The following COG3 variants were observed in gnomAD, a reference collection of about 807,000 sequenced individuals.
The protein encoded by COG3 is conserved oligomeric Golgi complex subunit 3.
COG3 carries 32 observed loss-of-function variants against 114.1 expected under a neutral mutation model. The ratio of observed to expected loss-of-function variants is 0.28; its 90% CI spans 0.21 to 0.38. The LOEUF (loss-of-function observed/expected upper bound fraction) is 0.38. Ranked by LOEUF, COG3 falls within the 10% of genes least tolerant of loss-of-function variation. COG3 has a pLI of 1.00. For missense variants in COG3, 813 were observed against 973.2 expected (o/e 0.84, Z 2.19); for synonymous variants, 352 against 365.7 (o/e 0.96, Z 0.43).
chr13:45,528,370 T>C (rs988330295), intron 20 of COG3, among the ~76,000 whole-genome samples: 2 of 152,212 alleles, frequency 1.3e-5, no homozygotes, highest in African/African-American at 4.8e-5. Flanking sequence ...GCCTGTATTC[T>C]TTCTTGGATG....
At chr13:45,519,367 C>T (rs757607124) in intron 19 of COG3, among the ~76,000 whole-genome samples, 3 of 152,262 alleles carry the variant, frequency 2.0e-5, no homozygotes, top group Middle Eastern at 3.4e-3. Context: ...TCTGTTTATC[C>T]GCCTTGTAGG....
At chr13:45,482,566 G>A in intron 6 of COG3, 93 bp downstream of exon 6, 1 of 591,166 alleles carries the variant, frequency 1.7e-6, no homozygotes, top group Non-Finnish European at 2.9e-6. Flanking sequence ...TCTGTGTTTA[G>A]CAGATGTTCC....
At position 45,496,117 on chromosome 13, in the gene COG3, A is replaced by G. The variant is rs780161078; in HGVS notation, c.1328-35A>G. ...TGTTTAAAAGAAAGTGTTTTTCTAA[A>G]TCTAAAAGAATGGATGATTGCACTT... On this transcript the variant is annotated intron_variant, in intron 12 of 22. Transcript: ENST00000349995. The G allele has an allele frequency of 2.5e-6, 4 of 1,583,874 alleles. No homozygotes were observed. In the Admixed American group the frequency reaches 7.0e-5, roughly 28 times the overall value.
Position 45,469,332 on chromosome 13 carries a change from G to A in COG3, c.174+4122G>A, listed in dbSNP as rs533851991. On this transcript the variant is annotated intron_variant, in intron 1 of 22. Coordinates refer to ENST00000349995, the MANE Select transcript of COG3 (RefSeq NM_031431.4). ...GTTAATTAGAAGATAAACTTTTTTT[G>A]GTTCAAGATAACAGACTGAGCACAC... 3.0e-3 allele frequency among the ~76,000 whole-genome samples: 462 copies of A among 151,826 alleles called. 3 individuals are homozygous for A. Among genetic ancestry groups the A allele is most frequent in the African/African-American group, 0.011 (445 of 41,454 alleles).
chr13:45,483,578 A>G (rs974655938), intron 7 of COG3, among the ~76,000 whole-genome samples: 1 of 152,218 alleles, frequency 6.6e-6, no homozygotes, highest in Non-Finnish European at 1.5e-5. Flanking sequence ...TAGTGTGAGA[A>G]GTATTCAGTA....
rs1885049272 is a variant in COG3, at chr13:45,465,137, C to G, written c.101C>G (p.Pro34Arg). 1 of 1,613,596 alleles carries G rather than the reference C, an allele frequency of 6.2e-7. No homozygotes were observed. Among genetic ancestry groups the G allele is most frequent in the Non-Finnish European group, 8.5e-7 (1 of 1,179,904 alleles). Residue 34 changes from proline (P) to arginine (R), a missense_variant, in exon 1 of 23, where the codon CCG becomes CGG. Coordinates refer to ENST00000349995, the MANE Select transcript of COG3 (RefSeq NM_031431.4). ...LWDRRPDTTA[P>R]LTDRQTDSVL... Reference sequence around the variant, plus strand: ...GATCGGAGACCGGACACGACGGCGCCGCTGACCGACAGGCAGACGGACTCG... The same window carrying G: ...GATCGGAGACCGGACACGACGGCGCGGCTGACCGACAGGCAGACGGACTCG...
chr13:45,508,068 T>TAAAAAAAAAAAAAAAAAAAAAA (rs10571583), intron 14 of COG3, among the ~76,000 whole-genome samples: 1 of 32,270 alleles, frequency 3.1e-5, no homozygotes, highest in African/African-American at 1.3e-4. Context: ...AGGTCCAACC[T>TAAAAAAAAAAAAAAAAAAAAAA]AAAAAAAAAA....
At chr13:45,500,094 G>GTGTGTGTGTGTGTATATA (rs1321310200) in intron 13 of COG3, among the ~76,000 whole-genome samples, 1 of 114,834 alleles carries the variant, frequency 8.7e-6, no homozygotes, top group African/African-American at 3.5e-5. Flanking sequence ...GTGTGTGTGT[G>GTGTGTGTGTGTGTATATA]TATATATATA....
intron 1 of COG3, among the ~76,000 whole-genome samples, chr13:45,467,519 A>AG (rs1885221825): frequency 6.6e-6 from 1 of 151,380 alleles, no homozygotes; most frequent in Admixed American, 6.6e-5. Flanking sequence ...TTGAACCCAG[A>AG]AGGCAGAGAT....
chr13:45,488,854 T>G (rs1443735575), intron 8 of COG3, among the ~76,000 whole-genome samples: 2 of 152,154 alleles, frequency 1.3e-5, no homozygotes, highest in African/African-American at 4.8e-5. Context: ...CTACTTTTGC[T>G]TACTGACTTC....
At chr13:45,511,880 C>T in intron 16 of COG3, 26 bp downstream of exon 16, 1 of 1,549,698 alleles carries the variant, frequency 6.5e-7, no homozygotes, top group Non-Finnish European at 8.9e-7. Flanking sequence ...AGGTGAAATC[C>T]TGTTTCCTGG....
At chr13:45,476,794 G>T (rs1377882198) in intron 2 of COG3, among the ~76,000 whole-genome samples, 3 of 151,996 alleles carry the variant, frequency 2.0e-5, no homozygotes, top group African/African-American at 7.3e-5. Context: ...CTTGGTTTTT[G>T]TTCATTCCTA....
chr13:45,473,557 T>C (rs941404331), intron 1 of COG3, among the ~76,000 whole-genome samples: 2 of 152,210 alleles, frequency 1.3e-5, no homozygotes, highest in African/African-American at 4.8e-5. Flanking sequence ...AAAATATAAT[T>C]TTGTAAAGAC....
Position 45,480,171 on chromosome 13 carries a change from A to T in COG3, c.430A>T (p.Ile144Leu), listed in dbSNP as rs373281254. 1 of 1,613,652 alleles carries T rather than the reference A, an allele frequency of 6.2e-7. No individual in the cohort carries two copies. Among genetic ancestry groups the T allele is most frequent in the African/African-American group, 1.3e-5 (1 of 74,914 alleles). The change falls in exon 4 of 23, where the codon ATA becomes TTA. Residue 144 changes from isoleucine (I) to leucine (L), a missense_variant. By Grantham distance (5) the Ile-to-Leu change is conservative. Transcript: ENST00000349995. ...LSGFQEQCDA[I>L]LNDVNSALQH... Reference sequence around the variant, plus strand: ...TGGGTTTCAGGAGCAGTGTGATGCTATATTGAATGATGTAAACAGTGCTCT... The same window carrying T: ...TGGGTTTCAGGAGCAGTGTGATGCTTTATTGAATGATGTAAACAGTGCTCT...
At chr13:45,525,634 G>GTTTTTTTT (rs59577529) in intron 20 of COG3, among the ~76,000 whole-genome samples, 16,267 of 55,144 alleles carry the variant, frequency 0.29, 2,465 homozygotes, top group African/African-American at 0.36. Flanking sequence ...AGGGCTTTGG[G>GTTTTTTTT]TTTTTTTTTT....
intron 1 of COG3, among the ~76,000 whole-genome samples, chr13:45,474,828 A>G (rs967951588): frequency 2.0e-5 from 3 of 152,210 alleles, no homozygotes; most frequent in African/African-American, 4.8e-5. Context: ...TCTTATATCA[A>G]TGGACCTTAA....
chr13:45,519,202 A>G, intron 19 of COG3, 108 bp downstream of exon 19: 2 of 1,187,246 alleles, frequency 1.7e-6, no homozygotes, highest in Non-Finnish European at 2.4e-6. Context: ...ATTAAGCCCA[A>G]GTCTTAATGA....
At chr13:45,467,326 C>T (rs1885203224) in intron 1 of COG3, among the ~76,000 whole-genome samples, 1 of 152,108 alleles carries the variant, frequency 6.6e-6, no homozygotes, top group South Asian at 2.1e-4. Flanking sequence ...GTGCGGTGGC[C>T]CACGCCTGTA....
chr13:45,511,797 A>G lies in COG3; in HGVS notation c.1752A>G (p.Ala584=). Residue 584 remains alanine, a synonymous_variant, in exon 16 of 23, where the codon GCA becomes GCG. Transcript: ENST00000349995. Reference sequence around the variant, plus strand: ...TGTTCCAAGGATTATCACAGGAAGCATTGTCTGCCTGCATTCAGTCCTTAC... The same window carrying G: ...TGTTCCAAGGATTATCACAGGAAGCGTTGTCTGCCTGCATTCAGTCCTTAC... ...RAVFQGLSQE[A]LSACIQSLLG... 1.9e-6 allele frequency: 3 copies of G among 1,614,014 alleles called. No homozygotes were observed. The highest frequency in any genetic ancestry group is 1.3e-5 in the African/African-American group (1 of 75,022).
Sources: allele counts gnomAD v4.1 joint callset (sites outside exome capture counted in the v4.1 genomes callset), GRCh38; gene constraint gnomAD v4.1.1; transcripts MANE v1.5; gene names NCBI Gene and HGNC (gene_info 2026-07-23, HGNC 2026-07-21).